Variants in TSR1 observed in about 807,000 individuals in gnomAD.
TSR1 encodes TSR1 ribosome maturation factor.
TSR1 carries 81 observed loss-of-function variants against 90.9 expected under a neutral mutation model. The ratio of observed to expected loss-of-function variants is 0.89; its 90% CI spans 0.74 to 1.07. The LOEUF (loss-of-function observed/expected upper bound fraction) is 1.07. TSR1 is among the 50% of genes least tolerant of loss of function. The pLI is 0.00. For missense variants in TSR1, 989 were observed against 987.3 expected, an observed-to-expected ratio of 1.00 and a Z score of -0.02; for synonymous variants, 362 against 348.8, an observed-to-expected ratio of 1.04 and a Z score of -0.42.
At chr17:2,325,983 A>G (rs1000493871) in intron 11 of TSR1, among the ~76,000 whole-genome samples, 7 of 152,060 alleles carry the variant, frequency 4.6e-5, no homozygotes, top group Admixed American at 4.6e-4. Flanking sequence ...CTGGAGTACA[A>G]TGGTGCCATC....
chr17:2,323,351 G>C lies in TSR1; in HGVS notation c.*845C>G. The C allele has an allele frequency of 6.2e-7, 1 of 1,613,794 alleles. No homozygotes were observed. Among genetic ancestry groups the C allele is most frequent in the Non-Finnish European group, 8.5e-7 (1 of 1,179,778 alleles). On this transcript the variant is annotated 3_prime_UTR_variant, in exon 15 of 15. Coordinates refer to ENST00000301364, the MANE Select transcript of TSR1 (RefSeq NM_018128.5). The stretch of plus-strand genomic sequence containing the variant: ...TCACAGAGGATGAAATTAAGGTGAG[G>C]CTCCAGCAAGAAAAGAAATAGCAAA...
chr17:2,329,059 A>C, intron 11 of TSR1: 1 of 634,362 alleles, frequency 1.6e-6, no homozygotes, highest in Non-Finnish European at 3.0e-6. Context: ...CACCCACCCT[A>C]ATACCCTTTT....
chr17:2,326,585 A>C (rs1319675877), intron 11 of TSR1, among the ~76,000 whole-genome samples: 1 of 152,060 alleles, frequency 6.6e-6, no homozygotes, highest in East Asian at 1.9e-4. Context: ...TCACTCTGCT[A>C]TCTAGGCTAG....
At position 2,329,421 on chromosome 17, in the gene TSR1, T is replaced by G; in HGVS notation, c.1825A>C (p.Lys609Gln). The stretch of plus-strand genomic sequence containing the variant: ...TGAAATATGAGCTCTTCCTTGGCTT[T>G]CACAGGTTCAGTGTTGCCAGGGTCA... ...RRDPGNTEPV[K>Q]AKEELIFHCG... The change falls in exon 11 of 15, where the codon AAA (lysine) becomes CAA (glutamine). Residue 609 changes from lysine to glutamine, a missense_variant. Coordinates refer to ENST00000301364, the MANE Select transcript of TSR1 (RefSeq NM_018128.5). 1 of 1,614,210 alleles carries G rather than the reference T, an allele frequency of 6.2e-7. No homozygotes were observed. Among genetic ancestry groups the G allele is most frequent in the Non-Finnish European group, 8.5e-7 (1 of 1,180,040 alleles).
Position 2,336,370 on chromosome 17 carries a change from G to T in TSR1, c.58C>A (p.Arg20=), listed in dbSNP as rs1255763390. ...TGTGCAGATCCCCGACCCCGATGCC[G>T]TCCGCCTTTATGAGCTTTATTCTGC... ...KQQNKAHKGG[R]HRGRGSAQRD... The change falls in exon 1 of 15, where the codon CGG becomes AGG. Residue 20 remains arginine (R), a synonymous_variant. Coordinates refer to ENST00000301364, the MANE Select transcript of TSR1 (RefSeq NM_018128.5). 6.2e-7 allele frequency: 1 copy of T among 1,613,780 alleles called. No individual in the cohort carries two copies. Among genetic ancestry groups the T allele is most frequent in the South Asian group, 1.1e-5 (1 of 91,072 alleles).
Position 2,332,368 on chromosome 17 carries a change from TAG to T in TSR1, c.1306-11_1306-10del, listed in dbSNP as rs2064012449. On this transcript the variant is annotated splice_polypyrimidine_tract_variant and intron_variant, in intron 7 of 14. Transcript: ENST00000301364. ...TCTTCACTACTCTCATCCTGTAGAATAGGATTACAGTTTTTTCAGAAGAAATC... is the reference window on the plus strand; with the variant it reads ...TCTTCACTACTCTCATCCTGTAGAATGATTACAGTTTTTTCAGAAGAAATC... 4 of 1,580,808 alleles carry T rather than the reference TAG, an allele frequency of 2.5e-6. No individual in the cohort carries two copies. In the South Asian group the frequency reaches 4.7e-5, roughly 19 times the overall value.
chr17:2,334,805 C>A lies in TSR1; in HGVS notation c.648G>T (p.Pro216=), dbSNP rs767753039. ...TGTCTAACAAGAGGAGTTTGTCATG[C>A]GGAAAGCGCTTCTCCACTGCTTTAC... ...KLSKAVEKRF[P]HDKLLLLDTQ... is the part of the protein sequence containing the mutation. Residue 216 remains proline (P), a synonymous_variant, in exon 5 of 15, where the codon CCG becomes CCT. Transcript: ENST00000301364. 1.9e-6 allele frequency: 3 copies of A among 1,614,192 alleles called. No homozygotes were observed. The highest frequency in any genetic ancestry group is 2.5e-6 in the Non-Finnish European group (3 of 1,180,040).
chr17:2,332,038 TTAAA>T, intron 8 of TSR1, 127 bp downstream of exon 8: 5 of 972,646 alleles, frequency 5.1e-6, no homozygotes, highest in Non-Finnish European at 7.6e-6. Flanking sequence ...CCTTCCCATA[TTAAA>T]TGTTAGCTCT....
Position 2,333,066 on chromosome 17 carries a change from G to A in TSR1, c.1200C>T (p.Tyr400=), listed in dbSNP as rs1329167730. Residue 400 remains tyrosine (Y), a synonymous_variant, in exon 7 of 15, where the codon TAC becomes TAT. Coordinates refer to ENST00000301364, the MANE Select transcript of TSR1 (RefSeq NM_018128.5). ...CACCATCCAAAATCCATTCAGCTTG[G>A]TAACTGGATGTTCCTTTGGGGACCT... The part of the protein sequence containing the change: ...VKKVPKGTSS[Y]QAEWILDGGS... 3.1e-6 allele frequency: 5 copies of A among 1,613,954 alleles called. No homozygotes were observed. Among genetic ancestry groups the A allele is most frequent in the Non-Finnish European group, 4.2e-6 (5 of 1,180,014 alleles).
At position 2,323,016 on chromosome 17, in the gene TSR1, C is replaced by T. The variant is rs1181083815; in HGVS notation, c.*1180G>A. ...CTGACCTCAGCTGATCCACCCGCCT[C>T]GGGCTCCCAAAGTGTTGGGATTACA... On this transcript the variant is annotated 3_prime_UTR_variant, in exon 15 of 15. Coordinates refer to ENST00000301364, the MANE Select transcript of TSR1 (RefSeq NM_018128.5). The T allele has an allele frequency of 1.6e-5, 16 of 1,009,568 alleles. No individual in the cohort carries two copies. The highest frequency in any genetic ancestry group is 3.2e-5 in the African/African-American group (2 of 62,586). The allele number at this position is 1,009,568 out of a possible 1,614,324, so 62.5% of individuals were successfully genotyped here. A position where few individuals can be genotyped will look rare whatever the true frequency, so the allele number is the denominator to read the frequency against.
At chr17:2,328,789 G>A (rs751334317) in intron 11 of TSR1, among the ~76,000 whole-genome samples, 14 of 150,654 alleles carry the variant, frequency 9.3e-5, no homozygotes, top group Middle Eastern at 3.5e-3. Flanking sequence ...GGTGGCGGGC[G>A]CCTGTAGTCC....
chr17:2,335,985 G>C, intron 2 of TSR1, 52 bp downstream of exon 2: 3 of 1,577,374 alleles, frequency 1.9e-6, no homozygotes, highest in Non-Finnish European at 2.6e-6. Flanking sequence ...CGAGGCATTA[G>C]CCACCTAGAA....
intron 11 of TSR1, among the ~76,000 whole-genome samples, chr17:2,326,635 C>T (rs1345927762): frequency 6.6e-6 from 1 of 152,138 alleles, no homozygotes; most frequent in Non-Finnish European, 1.5e-5. Context: ...GCCCTCACCC[C>T]CCTTTTAAAA....
At position 2,323,711 on chromosome 17, in the gene TSR1, T is replaced by G; in HGVS notation, c.*485A>C. 1 of 1,614,226 alleles carries G rather than the reference T, an allele frequency of 6.2e-7. No individual in the cohort carries two copies. The highest frequency in any genetic ancestry group is 8.5e-7 in the Non-Finnish European group (1 of 1,180,038). ...AACTACTCATTGAACCTACAGCTGG[T>G]GTTGGAGTGGCTGCTGTGCTGTCTC... On this transcript the variant is annotated 3_prime_UTR_variant, in exon 15 of 15. Coordinates refer to ENST00000301364, the MANE Select transcript of TSR1 (RefSeq NM_018128.5).
rs202243195 is a variant in TSR1 at position 2,328,593 on chromosome 17, A to AAAAC, written c.1903+746_1903+749dup. Among the ~76,000 whole-genome samples the AAAAC allele has an allele frequency of 4.2e-3, 638 of 150,720 alleles. 5 individuals carry two copies. The highest frequency in any genetic ancestry group is 0.012 in the African/African-American group (506 of 40,922). ...AACGGAGTAAGACTCCGTCTCCAAA[A>AAAAC]AAACAAACAAACAAACAAACAAAAA... is the stretch of plus-strand genomic sequence containing the variant. On this transcript the variant is annotated intron_variant, in intron 11 of 14. Coordinates refer to ENST00000301364, the MANE Select transcript of TSR1 (RefSeq NM_018128.5).
chr17:2,328,743 C>T (rs1187366904), intron 11 of TSR1, among the ~76,000 whole-genome samples: 1 of 151,214 alleles, frequency 6.6e-6, no homozygotes, highest in African/African-American at 2.4e-5. Flanking sequence ...GGTGAAACCC[C>T]GTCTCTACTA....
chr17:2,329,550 C>T, intron 10 of TSR1, 75 bp from the exon 11 acceptor site: 2 of 1,543,570 alleles, frequency 1.3e-6, no homozygotes, highest in East Asian at 4.5e-5. Flanking sequence ...GAAGGCAAAC[C>T]AAACTAGCAG....
rs1361770573 is a variant in TSR1, at chr17:2,333,166, T to C, written c.1142-42A>G. 2.5e-6 allele frequency: 4 copies of C among 1,606,600 alleles called. No individual in the cohort carries two copies. The South Asian group carries it at 3.3e-5, about 13-fold the overall frequency. The stretch of plus-strand genomic sequence containing the variant: ...AAATTAAGTAAATTACAGACTTCTT[T>C]TCCCTATCCCTCTGGTTATTCTCAC... On this transcript the variant is annotated intron_variant, in intron 6 of 14. Coordinates refer to ENST00000301364, the MANE Select transcript of TSR1 (RefSeq NM_018128.5).
intron 7 of TSR1, 57 bp from the exon 8 acceptor site, chr17:2,332,416 A>G: frequency 7.0e-7 from 1 of 1,427,678 alleles, no homozygotes; most frequent in Non-Finnish European, 9.5e-7. Context: ...TCTACCCCAA[A>G]GGCCAATAAG....
Sources: gnomAD v4.1 joint callset for allele counts (sites outside exome capture counted in the v4.1 genomes callset) on GRCh38, gnomAD v4.1.1 for gene constraint, MANE v1.5 for transcripts, NCBI Gene and HGNC (gene_info 2026-07-23, HGNC 2026-07-21) for gene names.